The following PEAK1 variants were observed in gnomAD, a reference collection of about 807,000 sequenced individuals.
PEAK1 encodes pseudopodium enriched atypical kinase 1, also known as inactive tyrosine-protein kinase PEAK1.
Under a neutral mutation model 124.7 loss-of-function variants are expected in PEAK1, and 54 were observed. The observed-to-expected ratio is 0.43, with a 90% CI of 0.35 to 0.54. The LOEUF (loss-of-function observed/expected upper bound fraction) is 0.54, where lower values mean the gene tolerates loss of function less well. PEAK1 is among the 20% of genes least tolerant of loss of function. The probability of loss-of-function intolerance (pLI) is 0.01; values close to 1 mark genes in which losing one functional copy is unlikely to be tolerated. For synonymous variants in PEAK1, 719 were observed against 760.0 expected (o/e 0.95, Z 0.89); for missense variants, 2,046 against 2,134.5 (o/e 0.96, Z 0.82).
chr15:77,289,917 G>A (rs1472683590), intron 2 of PEAK1, among the ~76,000 whole-genome samples: 1 of 152,116 alleles, frequency 6.6e-6, no homozygotes, highest in Non-Finnish European at 1.5e-5. Context: ...TCCATGTGAA[G>A]AGTGAATACT....
Position 77,334,874 on chromosome 15 carries a change from T to C in PEAK1, c.-603+30289A>G, listed in dbSNP as rs2066101665. 3 of 985,478 alleles carry C rather than the reference T, an allele frequency of 3.0e-6. 1 individual carries two copies. In the South Asian group the frequency reaches 1.4e-4, roughly 46 times the overall value. The allele number at this position is 985,478 out of a possible 1,614,324, so 61.0% of individuals were successfully genotyped here. Reference sequence around the variant, plus strand: ...CAACTGTATTTTCATGCCTTCAGAATCCTGTCAGATTGCTTCCTTTTTATT... The same window carrying C: ...CAACTGTATTTTCATGCCTTCAGAACCCTGTCAGATTGCTTCCTTTTTATT... On this transcript the variant is annotated intron_variant, in intron 2 of 9. Coordinates refer to ENST00000682557, the MANE Select transcript of PEAK1 (RefSeq NM_001385026.1).
intron 5 of PEAK1, chr15:77,255,363 G>C: frequency 1.0e-6 from 1 of 982,716 alleles, no homozygotes; most frequent in Non-Finnish European, 1.2e-6. Context: ...TTTATTCCAA[G>C]CTTCTGCCGG....
intron 8 of PEAK1, among the ~76,000 whole-genome samples, chr15:77,134,731 G>A (rs1435288216): frequency 1.3e-5 from 2 of 152,066 alleles, no homozygotes; most frequent in African/African-American, 4.8e-5. Context: ...ATTAAAATGA[G>A]GCCTCTACTC....
chr15:77,342,776 G>T (rs1179560547), intron 2 of PEAK1, among the ~76,000 whole-genome samples: 2 of 152,102 alleles, frequency 1.3e-5, no homozygotes, highest in African/African-American at 4.8e-5. Flanking sequence ...CCATGTTGTA[G>T]CATGTAACAG....
At chr15:77,417,602 T>A in intron 1 of PEAK1, 1 of 985,426 alleles carries the variant, frequency 1.0e-6, no homozygotes, top group Middle Eastern at 5.2e-4. Context: ...ACACTTGGCA[T>A]GCCAGGGGCC....
intron 6 of PEAK1, among the ~76,000 whole-genome samples, chr15:77,223,016 G>T (rs2059458882): frequency 6.6e-6 from 1 of 151,896 alleles, no homozygotes; most frequent in Non-Finnish European, 1.5e-5. Context: ...CCCCACTCCA[G>T]ATTTAGAATC....
intron 2 of PEAK1, chr15:77,348,633 A>G (rs2067015537): frequency 1.0e-6 from 1 of 984,506 alleles, no homozygotes; most frequent in Non-Finnish European, 1.2e-6. Context: ...AATGTGGTAT[A>G]CATTTTATAG....
At chr15:77,289,764 G>A (rs2063118659) in intron 2 of PEAK1, among the ~76,000 whole-genome samples, 2 of 152,094 alleles carry the variant, frequency 1.3e-5, no homozygotes, top group African/African-American at 4.8e-5. Flanking sequence ...TTGAACCCGG[G>A]AGGCGAAGGT....
At chr15:77,376,894 G>C (rs1049501952) in intron 1 of PEAK1, among the ~76,000 whole-genome samples, 21 of 152,110 alleles carry the variant, frequency 1.4e-4, no homozygotes, top group African/African-American at 4.1e-4. Flanking sequence ...CTTACCAACA[G>C]GGATACATTC....
intron 1 of PEAK1, among the ~76,000 whole-genome samples, chr15:77,416,916 A>G (rs2072925246): frequency 6.6e-6 from 1 of 152,242 alleles, no homozygotes; most frequent in Non-Finnish European, 1.5e-5. Context: ...TTTACTTTTT[A>G]AAATTTGGTT....
intron 9 of PEAK1, among the ~76,000 whole-genome samples, chr15:77,123,899 G>A (rs968120283): frequency 1.6e-4 from 24 of 151,968 alleles, no homozygotes; most frequent in African/African-American, 5.6e-4. Flanking sequence ...GGGAAGAGAG[G>A]ATAAAAGAAG....
At chr15:77,344,370 A>G (rs1264108791) in intron 2 of PEAK1, among the ~76,000 whole-genome samples, 2 of 152,206 alleles carry the variant, frequency 1.3e-5, no homozygotes, top group Non-Finnish European at 2.9e-5. Flanking sequence ...CTGGGATTAC[A>G]GGCGTGAGCC....
At chr15:77,381,914 A>C (rs562013675) in intron 1 of PEAK1, among the ~76,000 whole-genome samples, 1 of 152,342 alleles carries the variant, frequency 6.6e-6, no homozygotes, top group East Asian at 1.9e-4. Flanking sequence ...ATGCTTTGCC[A>C]AAATTTGGAA....
rs527982066 is a variant in PEAK1, at chr15:77,187,567, G to A, written c.-114-5527C>T. ...GAAGAAAAGGAAAGTGTGTAGGTGG[G>A]AGATTAAACACCATATATACAGCAT... On this transcript the variant is annotated intron_variant, in intron 6 of 9. Transcript: ENST00000682557. 1.3e-3 allele frequency among the ~76,000 whole-genome samples: 204 copies of A among 152,292 alleles called. 1 individual carries two copies. The highest frequency in any genetic ancestry group is 4.8e-3 in the African/African-American group (199 of 41,554).
intron 2 of PEAK1, chr15:77,333,798 A>G (rs1390261037): frequency 1.2e-6 from 1 of 840,118 alleles, no homozygotes; most frequent in African/African-American, 1.8e-5. Context: ...GGTTTTAATC[A>G]TTGCAGATTT....
At chr15:77,407,888 T>C (rs975853125) in intron 1 of PEAK1, among the ~76,000 whole-genome samples, 3 of 148,522 alleles carry the variant, frequency 2.0e-5, no homozygotes, top group Non-Finnish European at 3.0e-5. Context: ...GCATGATATA[T>C]ATATATATAT....
chr15:77,220,095 C>T (rs1241384897), intron 6 of PEAK1, among the ~76,000 whole-genome samples: 1 of 151,930 alleles, frequency 6.6e-6, no homozygotes, highest in Non-Finnish European at 1.5e-5. Context: ...CAAAGTGGGG[C>T]AAGACGGGAG....
At chr15:77,184,606 C>T (rs1411082002) in intron 6 of PEAK1, among the ~76,000 whole-genome samples, 3 of 152,096 alleles carry the variant, frequency 2.0e-5, no homozygotes, top group Non-Finnish European at 2.9e-5. Context: ...CTCACAGAAC[C>T]GGCAGGTAGG....
chr15:77,129,334 G>A (rs1268624838), intron 9 of PEAK1, among the ~76,000 whole-genome samples: 1 of 152,154 alleles, frequency 6.6e-6, no homozygotes, highest in Non-Finnish European at 1.5e-5. Flanking sequence ...TACACAACTT[G>A]AGCAAACTAA....
Sources: allele counts gnomAD v4.1 joint callset (sites outside exome capture counted in the v4.1 genomes callset), GRCh38; gene constraint gnomAD v4.1.1; transcripts MANE v1.5; gene names NCBI Gene and HGNC (gene_info 2026-07-23, HGNC 2026-07-21).